The following GTF2E2 variants were observed in gnomAD, a reference collection of about 807,000 sequenced individuals.
GTF2E2 encodes general transcription factor IIE subunit 2.
Under a neutral mutation model 40.5 loss-of-function variants are expected in GTF2E2, and 21 were observed. The observed-to-expected ratio is 0.52, with a 90% CI of 0.37 to 0.75. GTF2E2 has a LOEUF of 0.75. GTF2E2 is among the 30% of genes least tolerant of loss of function. The pLI is 0.00. For synonymous variants in GTF2E2, 117 were observed against 121.6 expected, an observed-to-expected ratio of 0.96 and a Z score of 0.25; for missense variants, 298 against 338.4, an observed-to-expected ratio of 0.88 and a Z score of 0.94.
intron 6 of GTF2E2, among the ~76,000 whole-genome samples, chr8:30,582,188 G>T (rs141159731): frequency 1.3e-5 from 2 of 151,932 alleles, no homozygotes; most frequent in East Asian, 1.9e-4. Flanking sequence ...GTTGTTTCTG[G>T]GGGGGTGGGG....
intron 2 of GTF2E2, chr8:30,645,768 A>T (rs934523203): frequency 3.3e-6 from 2 of 603,316 alleles, no homozygotes; most frequent in African/African-American, 3.7e-5. Flanking sequence ...GTGTATAGCC[A>T]TTTCATTAAA....
intron 2 of GTF2E2, among the ~76,000 whole-genome samples, chr8:30,646,562 A>T (rs1285132704): frequency 6.6e-6 from 1 of 152,194 alleles, no homozygotes; most frequent in Admixed American, 6.5e-5. Context: ...TATCCTAAGC[A>T]CTTAGTTCAA....
chr8:30,624,785 G>T (rs1307795716), intron 3 of GTF2E2, among the ~76,000 whole-genome samples: 2 of 152,076 alleles, frequency 1.3e-5, no homozygotes, highest in Non-Finnish European at 2.9e-5. Flanking sequence ...TTGTGAATGG[G>T]AGTTCACTCA....
intron 6 of GTF2E2, among the ~76,000 whole-genome samples, chr8:30,586,763 C>G (rs1190226089): frequency 6.6e-6 from 1 of 152,180 alleles, no homozygotes; most frequent in African/African-American, 2.4e-5. Flanking sequence ...GGGAAAAGGA[C>G]AGTCTCTTCA....
chr8:30,629,661 C>G (rs1252374835), intron 3 of GTF2E2, among the ~76,000 whole-genome samples: 2 of 143,618 alleles, frequency 1.4e-5, no homozygotes, highest in Admixed American at 1.4e-4. Context: ...TGCACTCCAG[C>G]CTGGGTGACA....
At chr8:30,634,348 T>C (rs1431528753) in intron 3 of GTF2E2, among the ~76,000 whole-genome samples, 1 of 151,986 alleles carries the variant, frequency 6.6e-6, no homozygotes, top group Non-Finnish European at 1.5e-5. Flanking sequence ...CTTGGGAGGC[T>C]GAGGCAGGAG....
chr8:30,599,831 A>G (rs542097084), intron 6 of GTF2E2, among the ~76,000 whole-genome samples: 109 of 152,092 alleles, frequency 7.2e-4, no homozygotes, highest in African/African-American at 2.4e-3. Context: ...AAAAATACAA[A>G]AATTAGCTGG....
chr8:30,595,674 A>T (rs902596082), intron 6 of GTF2E2, among the ~76,000 whole-genome samples: 2 of 152,186 alleles, frequency 1.3e-5, no homozygotes, highest in African/African-American at 4.8e-5. Flanking sequence ...TACTAGAAAT[A>T]CAAAAAAATT....
At chr8:30,607,360 C>A (rs7844798) in intron 5 of GTF2E2, among the ~76,000 whole-genome samples, 1,974 of 152,232 alleles carry the variant, frequency 0.013, 52 homozygotes, top group African/African-American at 0.044. Flanking sequence ...CTCACTGCAG[C>A]CTCAACCTCC....
At chr8:30,645,698 CTG>C in intron 2 of GTF2E2, 2 of 1,193,222 alleles carry the variant, frequency 1.7e-6, no homozygotes, top group South Asian at 3.2e-5. Flanking sequence ...CAAATTCTGA[CTG>C]AATGGTTAAA....
chr8:30,641,229 AATC>A (rs1182066808), intron 2 of GTF2E2, among the ~76,000 whole-genome samples: 2 of 152,152 alleles, frequency 1.3e-5, no homozygotes, highest in African/African-American at 4.8e-5. Context: ...TCACAAGACA[AATC>A]ATCATCATTT....
At chr8:30,643,361 TTA>T (rs1801924921) in intron 2 of GTF2E2, 1 of 152,134 alleles carries the variant, frequency 6.6e-6, no homozygotes, top group South Asian at 2.1e-4. Context: ...TGAAGTTGCA[TTA>T]TAAGTACATG....
chr8:30,643,334 G>C (rs1219239864), intron 2 of GTF2E2: 1 of 152,042 alleles, frequency 6.6e-6, no homozygotes, highest in Non-Finnish European at 1.5e-5. Flanking sequence ...GGTAGAGATG[G>C]GCCAAGAGTT....
intron 2 of GTF2E2, 111 bp from the exon 3 acceptor site, chr8:30,635,234 T>C (rs937297580): frequency 1.6e-6 from 1 of 608,710 alleles, no homozygotes. Flanking sequence ...TCATCTAGTA[T>C]ATTCTACCCT....
At chr8:30,624,197 A>T (rs2151138443) in intron 3 of GTF2E2, among the ~76,000 whole-genome samples, 1 of 152,232 alleles carries the variant, frequency 6.6e-6, no homozygotes, top group Admixed American at 6.5e-5. Context: ...TATACGGTGT[A>T]AGGAAGGGAT....
chr8:30,619,952 G>A (rs376690179), intron 3 of GTF2E2, among the ~76,000 whole-genome samples: 1 of 151,884 alleles, frequency 6.6e-6, no homozygotes, highest in Admixed American at 6.6e-5. Flanking sequence ...GAAAGAGGGA[G>A]GCAGGAGAGT....
intron 5 of GTF2E2, among the ~76,000 whole-genome samples, chr8:30,610,690 TA>T (rs1468052739): frequency 6.6e-6 from 1 of 152,032 alleles, no homozygotes; most frequent in East Asian, 1.9e-4. Context: ...ATACAAAAAT[TA>T]ACTCTAAATA....
intron 2 of GTF2E2, among the ~76,000 whole-genome samples, 174 bp downstream of exon 2, chr8:30,653,259 C>T (rs1802342061): frequency 6.6e-6 from 1 of 152,152 alleles, no homozygotes; most frequent in Admixed American, 6.5e-5. Flanking sequence ...ATTTTAACTA[C>T]AGCACAAGAC....
At chr8:30,620,251 C>CACACACACAA (rs1346270945) in intron 3 of GTF2E2, among the ~76,000 whole-genome samples, 1 of 151,594 alleles carries the variant, frequency 6.6e-6, no homozygotes. Context: ...CACACACACA[C>CACACACACAA]ACACACAAAC....
Sources: allele counts gnomAD v4.1 joint callset (sites outside exome capture counted in the v4.1 genomes callset), GRCh38; gene constraint gnomAD v4.1.1; transcripts MANE v1.5; gene names NCBI Gene and HGNC (gene_info 2026-07-23, HGNC 2026-07-21).